The following FHIT variants were observed in gnomAD, a reference collection of about 807,000 sequenced individuals.
FHIT encodes fragile histidine triad diadenosine triphosphatase.
Under a neutral mutation model 17.9 loss-of-function variants are expected in FHIT, and 19 were observed. The ratio of observed to expected loss-of-function variants is 1.06; its 90% confidence interval spans 0.74 to 1.56. The LOEUF (loss-of-function observed/expected upper bound fraction) is 1.56. FHIT is among the 40% of genes most tolerant of loss of function. The pLI is 0.00. For missense variants in FHIT, 248 were observed against 189.2 expected (o/e 1.31, Z -1.82); for synonymous variants, 81 against 69.7 (o/e 1.16, Z -0.81).
At chr3:60,319,690 A>G (rs1709330219) in intron 5 of FHIT, among the ~76,000 whole-genome samples, 1 of 152,186 alleles carries the variant, frequency 6.6e-6, no homozygotes, top group Non-Finnish European at 1.5e-5. Context: ...CACAGCCACA[A>G]TGAAACCGCA....
At chr3:60,536,630 C>G in intron 5 of FHIT, 3 of 411,140 alleles carry the variant, frequency 7.3e-6, no homozygotes, top group Non-Finnish European at 1.3e-5. Flanking sequence ...TGCTAAGCAA[C>G]TCTCCTCAGA....
chr3:60,632,415 G>C (rs1362152272), intron 4 of FHIT, among the ~76,000 whole-genome samples: 1 of 152,106 alleles, frequency 6.6e-6, no homozygotes, highest in African/African-American at 2.4e-5. Flanking sequence ...GTTACCAAGG[G>C]GCTCCATGTC....
chr3:60,013,503 G>T (rs1485267974), intron 6 of FHIT, among the ~76,000 whole-genome samples: 3 of 152,096 alleles, frequency 2.0e-5, no homozygotes, highest in South Asian at 2.1e-4. Context: ...AGTGACTGGG[G>T]ATCTGATTTC....
intron 2 of FHIT, among the ~76,000 whole-genome samples, chr3:61,125,876 A>C (rs1330177086): frequency 1.3e-5 from 2 of 152,218 alleles, no homozygotes; most frequent in African/African-American, 2.4e-5. Context: ...AGTATCAATC[A>C]TTATAGTATG....
At chr3:60,856,206 G>A (rs1295412979) in intron 3 of FHIT, among the ~76,000 whole-genome samples, 1 of 152,070 alleles carries the variant, frequency 6.6e-6, no homozygotes, top group Non-Finnish European at 1.5e-5. Flanking sequence ...CTAGACAGAG[G>A]TGGGGTGAGC....
At chr3:59,923,223 A>C (rs1705497105) in intron 7 of FHIT, among the ~76,000 whole-genome samples, 1 of 8,320 alleles carries the variant, frequency 1.2e-4, no homozygotes, top group Non-Finnish European at 2.9e-4. Context: ...AGACTCCTCA[A>C]AAAAAAAAAA....
chr3:61,144,686 C>A lies in FHIT; in HGVS notation c.-164+55931G>T, dbSNP rs189734166. On this transcript the variant is annotated intron_variant, in intron 2 of 9. Transcript: ENST00000492590. ...AAAACATATGAGGGTTTTAATTTCT[C>A]CTTATCCTCACCAACGCTTGTTATT... 5.9e-3 allele frequency among the ~76,000 whole-genome samples: 895 copies of A among 152,286 alleles called. 9 individuals are homozygous for A. The highest frequency in any genetic ancestry group is 0.013 in the Admixed American group (204 of 15,308).
intron 1 of FHIT, among the ~76,000 whole-genome samples, chr3:61,218,495 G>A (rs1403389473): frequency 6.6e-6 from 1 of 152,174 alleles, no homozygotes; most frequent in Non-Finnish European, 1.5e-5. Flanking sequence ...TGTGACTGGG[G>A]AGGAAAGAGT....
rs796525437 is a variant in FHIT, at chr3:60,470,058, T to TTCTCTCTCTCTCTCTCTCTC, written c.103+66782_103+66801dup. On this transcript the variant is annotated intron_variant, in intron 5 of 9. Transcript: ENST00000492590. ...TCTCTCCCCTCTCCTCTCTCTTTCT[T>TTCTCTCTCTCTCTCTCTCTC]TCTCTCTCTCTCTCTCTCTCTCCAG... Among the ~76,000 whole-genome samples, 1,016 of 142,964 alleles carry TTCTCTCTCTCTCTCTCTCTC rather than the reference T, an allele frequency of 7.1e-3. 8 individuals are homozygous for TTCTCTCTCTCTCTCTCTCTC. The highest frequency in any genetic ancestry group is 9.3e-3 in the Non-Finnish European group (617 of 66,230). 93.8% of individuals were successfully genotyped at this position (142,964 alleles called of 152,430 possible). A position where few individuals can be genotyped will look rare whatever the true frequency, so the allele number is the denominator to read the frequency against.
chr3:60,262,303 A>C (rs1477637317), intron 5 of FHIT, among the ~76,000 whole-genome samples: 1 of 152,092 alleles, frequency 6.6e-6, no homozygotes, highest in African/African-American at 2.4e-5. Context: ...TGAGGGAACC[A>C]GTAGCATGGT....
chr3:60,798,282 G>A lies in FHIT; in HGVS notation c.-18+23637C>T, dbSNP rs146918322. On this transcript the variant is annotated intron_variant, in intron 4 of 9. Transcript: ENST00000492590. Reference sequence around the variant, plus strand: ...ATGACAATTTTACTGAAATGAAGATGAGAAAAAATAACTTAATTGGAATAA... The same window carrying A: ...ATGACAATTTTACTGAAATGAAGATAAGAAAAAATAACTTAATTGGAATAA... Among the ~76,000 whole-genome samples the A allele has an allele frequency of 8.7e-3, 1,319 of 151,956 alleles. 23 individuals carry two copies. The highest frequency in any genetic ancestry group is 0.029 in the African/African-American group (1,221 of 41,454).
chr3:59,900,489 C>A (rs576302563), intron 8 of FHIT, among the ~76,000 whole-genome samples: 1 of 152,314 alleles, frequency 6.6e-6, no homozygotes, highest in Non-Finnish European at 1.5e-5. Context: ...CTTTGACTCC[C>A]CTAGATGCCA....
At position 60,219,443 on chromosome 3, in the gene FHIT, A is replaced by G. The variant is rs1053136348; in HGVS notation, c.104-205291T>C. On this transcript the variant is annotated intron_variant, in intron 5 of 9. Transcript: ENST00000492590. The stretch of plus-strand genomic sequence containing the variant: ...CAAAGTCAACATATTTATGTTAAAC[A>G]AAAGGTAGTTTGTATTCTCAAAATG... Among the ~76,000 whole-genome samples the G allele has an allele frequency of 1.1e-4, 16 of 152,174 alleles. 1 individual carries two copies. The highest frequency in any genetic ancestry group is 9.2e-4 in the Admixed American group (14 of 15,276).
intron 5 of FHIT, among the ~76,000 whole-genome samples, chr3:60,101,691 G>C (rs1704197041): frequency 1.3e-5 from 2 of 152,104 alleles, no homozygotes; most frequent in African/African-American, 4.8e-5. Context: ...CTATTAACCT[G>C]CAACACATCA....
intron 4 of FHIT, among the ~76,000 whole-genome samples, chr3:60,648,915 C>T (rs782340830): frequency 1.1e-4 from 17 of 152,220 alleles, no homozygotes; most frequent in African/African-American, 4.1e-4. Flanking sequence ...AAAGCTGTGG[C>T]AGTGGTGGAG....
At chr3:60,614,820 G>GTTT (rs1191171215) in intron 4 of FHIT, among the ~76,000 whole-genome samples, 9 of 58,912 alleles carry the variant, frequency 1.5e-4, no homozygotes, top group South Asian at 9.1e-4. Flanking sequence ...TTTTTTTTTT[G>GTTT]TTTTTTTTTT....
intron 4 of FHIT, among the ~76,000 whole-genome samples, chr3:60,567,968 G>C (rs1377677445): frequency 6.6e-6 from 1 of 152,188 alleles, no homozygotes; most frequent in Non-Finnish European, 1.5e-5. Flanking sequence ...ACAGGTGCTG[G>C]AGAGGATGTG....
At chr3:60,406,219 C>G (rs1293208978) in intron 5 of FHIT, among the ~76,000 whole-genome samples, 2 of 152,042 alleles carry the variant, frequency 1.3e-5, no homozygotes, top group Non-Finnish European at 2.9e-5. Flanking sequence ...GTGCATAAGG[C>G]AAATATAAAG....
chr3:59,958,685 G>A (rs1707522456), intron 7 of FHIT, among the ~76,000 whole-genome samples: 1 of 152,212 alleles, frequency 6.6e-6, no homozygotes, highest in African/African-American at 2.4e-5. Flanking sequence ...GGCTAGGGTT[G>A]CAAAATGATG....
Sources: gnomAD v4.1 joint callset for allele counts (sites outside exome capture counted in the v4.1 genomes callset) on GRCh38, gnomAD v4.1.1 for gene constraint, MANE v1.5 for transcripts, NCBI Gene and HGNC (gene_info 2026-07-23, HGNC 2026-07-21) for gene names.